TFAP2A: variants seen among roughly 807,000 people sequenced by gnomAD.
The protein encoded by TFAP2A is transcription factor AP-2 alpha.
A neutral mutation model predicts 41.5 loss-of-function variants in TFAP2A; 7 were observed. The observed-to-expected ratio is 0.17, with a 90% CI of 0.10 to 0.32. The LOEUF is 0.32. TFAP2A is among the 10% of genes least tolerant of loss of function. The pLI, the probability that TFAP2A is intolerant of heterozygous loss-of-function variation, is 1.00. For missense variants in TFAP2A, 416 were observed against 563.3 expected (o/e 0.74, Z 2.65); for synonymous variants, 247 against 242.8 (o/e 1.02, Z -0.16).
chr6:10,398,148 C>T lies in TFAP2A; in HGVS notation c.*269G>A, dbSNP rs1330081738. On this transcript the variant is annotated 3_prime_UTR_variant, in exon 7 of 7. Transcript: ENST00000379613. The surrounding 1 kb of genome is among the most constrained non-coding windows in gnomAD (Gnocchi z 5.3). ...TGCTGGCTTCACGGCCTGTTCTGTT[C>T]TCTTAGGCTCCACATGAGGGCACAG... The T allele has an allele frequency of 7.1e-7, 1 of 1,406,060 alleles. No individual in the cohort carries two copies. 87.1% of individuals were successfully genotyped at this position (1,406,060 alleles called of 1,614,324 possible). A position where few individuals can be genotyped will look rare whatever the true frequency, so the allele number is the denominator to read the frequency against.
At chr6:10,409,746 A>C (rs1229424229) in intron 2 of TFAP2A, 155 bp downstream of exon 2, 3 of 934,828 alleles carry the variant, frequency 3.2e-6, no homozygotes, top group African/African-American at 3.3e-5. Context: ...GTGGTTCCTC[A>C]AAACGTCCCT....
At position 10,404,473 on chromosome 6, in the gene TFAP2A, CGGGGCGGGGCGGGCG is replaced by C; in HGVS notation, c.770+20_770+34del. ...GCAAGCGCAGTGGTTCCCCCGGCCGCGGGGCGGGGCGGGCGGGGCCGTGCCGGGCCTCACCTCCGG... is the reference window on the plus strand; with the variant it reads ...GCAAGCGCAGTGGTTCCCCCGGCCGCGGGCCGTGCCGGGCCTCACCTCCGG... On this transcript the variant is annotated intron_variant, in intron 4 of 6. Transcript: ENST00000379613. 6.9e-7 allele frequency: 1 copy of C among 1,440,898 alleles called. No individual in the cohort carries two copies. The highest frequency in any genetic ancestry group is 9.2e-7 in the Non-Finnish European group (1 of 1,087,394). The allele number at this position is 1,440,898 out of a possible 1,614,324, so 89.3% of individuals were successfully genotyped here. A position where few individuals can be genotyped will look rare whatever the true frequency, so the allele number is the denominator to read the frequency against.
chr6:10,397,555 A>C lies in TFAP2A; in HGVS notation c.*862T>G, dbSNP rs1273247813. The C allele has an allele frequency of 6.6e-6, 1 of 152,414 alleles. No homozygotes were observed. Among genetic ancestry groups the C allele is most frequent in the African/African-American group, 2.4e-5 (1 of 41,450 alleles). The allele number at this position is 152,414 out of a possible 1,614,324, so 9.4% of individuals were successfully genotyped here. Reference sequence around the variant, plus strand: ...TAAATTCATGAATCCCAGAGAAAAAAATCCCCCAAACACTGGATTTCTAAA... The same window carrying C: ...TAAATTCATGAATCCCAGAGAAAAACATCCCCCAAACACTGGATTTCTAAA... On this transcript the variant is annotated 3_prime_UTR_variant, in exon 7 of 7. Transcript: ENST00000379613.
At chr6:10,418,687 A>G (rs189992488), upstream of TFAP2A, 1 of 152,490 alleles carries the variant, frequency 6.6e-6, no homozygotes, top group Non-Finnish European at 1.5e-5. Flanking sequence ...TCCGCGGCCT[A>G]GCAGGGCCAA....
Position 10,398,855 on chromosome 6 carries a change from GC to G in TFAP2A, c.1032-151del. The G allele has an allele frequency of 1.1e-6, 1 of 876,714 alleles. No individual in the cohort carries two copies. Among genetic ancestry groups the G allele is most frequent in the Non-Finnish European group, 1.7e-6 (1 of 582,294 alleles). 54.3% of individuals were successfully genotyped at this position (876,714 alleles called of 1,614,324 possible). On this transcript the variant is annotated intron_variant, in intron 6 of 6. Transcript: ENST00000379613. This position sits in a 1 kb window ranked among gnomAD's most constrained non-coding sequence, Gnocchi z 5.3. ...CAAGACCCCAGAGACAGACAGTGTG[GC>G]CACATGTTGGGAGATCCAGCCACCT...
chr6:10,414,958 T>C lies in TFAP2A; in HGVS notation c.34A>G (p.Lys12Glu). 6.2e-7 allele frequency: 1 copy of C among 1,613,894 alleles called. No homozygotes were observed. Among genetic ancestry groups the C allele is most frequent in the Non-Finnish European group, 8.5e-7 (1 of 1,179,982 alleles). The change falls in exon 1 of 7, where the codon AAG (lysine) becomes GAG (glutamate). Residue 12 changes from lysine to glutamate, a missense_variant. Lys to Glu is a moderately conservative substitution (Grantham distance 56). Around this residue, in one of 3 missense-constraint regions of TFAP2A, gnomAD observed 241 missense variants for 274.1 expected, o/e 0.88. Coordinates refer to ENST00000379613, the MANE Select transcript of TFAP2A (RefSeq NM_001372066.1). ...KMLWKLTDNI[K>E]YEDCEDRHDG... Reference sequence around the variant, plus strand: ...GCGCTTACCTCGCAGTCCTCGTACTTGATATTATCCGTCAATTTCCAAAGC... The same window carrying C: ...GCGCTTACCTCGCAGTCCTCGTACTCGATATTATCCGTCAATTTCCAAAGC...
chr6:10,402,385 G>T, intron 5 of TFAP2A, 107 bp downstream of exon 5: 1 of 879,890 alleles, frequency 1.1e-6, no homozygotes, highest in Non-Finnish European at 2.0e-6. Context: ...TCTCTGCAAA[G>T]ATGAAACTGC....
chr6:10,409,787 T>C (rs759081469), intron 2 of TFAP2A, 114 bp downstream of exon 2: 1 of 1,298,230 alleles, frequency 7.7e-7, no homozygotes, highest in South Asian at 1.3e-5. Flanking sequence ...AATGTTTTTA[T>C]AAGGAAATAC....
intron 1 of TFAP2A, among the ~76,000 whole-genome samples, chr6:10,414,075 A>G (rs35387529): frequency 0.022 from 3,425 of 152,330 alleles, 81 homozygotes; most frequent in Non-Finnish European, 0.037. Flanking sequence ...GCGTTTTAAA[A>G]TGGGTTCCAA....
intron 6 of TFAP2A, among the ~76,000 whole-genome samples, chr6:10,399,684 G>T (rs1433006465): frequency 1.3e-5 from 2 of 152,224 alleles, no homozygotes; most frequent in African/African-American, 2.4e-5. Flanking sequence ...TCTGCCCTCT[G>T]CTTCCATGCC....
chr6:10,411,965 G>A lies in TFAP2A; in HGVS notation c.52-1630C>T, dbSNP rs1212564413. ...CCGTGTCTCCCCCTCTTTTCTTAGC[G>A]GCGGCTTCGCTTGAGCTTCTAATAA... On this transcript the variant is annotated intron_variant, in intron 1 of 6. Coordinates refer to ENST00000379613, the MANE Select transcript of TFAP2A (RefSeq NM_001372066.1). 6.4e-6 allele frequency: 7 copies of A among 1,094,870 alleles called. No individual in the cohort carries two copies. The East Asian group carries it at 4.1e-4, about 65-fold the overall frequency. 67.8% of individuals were successfully genotyped at this position (1,094,870 alleles called of 1,614,324 possible). A position where few individuals can be genotyped will look rare whatever the true frequency, so the allele number is the denominator to read the frequency against.
chr6:10,409,837 T>G lies in TFAP2A; in HGVS notation c.486+64A>C, dbSNP rs1051310277. 1.6e-5 allele frequency: 25 copies of G among 1,525,540 alleles called. No individual in the cohort carries two copies. In the East Asian group the frequency reaches 5.9e-4, roughly 36 times the overall value. 94.5% of individuals were successfully genotyped at this position (1,525,540 alleles called of 1,614,324 possible). The stretch of plus-strand genomic sequence containing the variant: ...GCCCACCGACTGTATGTTCCAGGTA[T>G]CCTTTCTGGGGTAGGTAAGTAGGGG... On this transcript the variant is annotated intron_variant, in intron 2 of 6. Coordinates refer to ENST00000379613, the MANE Select transcript of TFAP2A (RefSeq NM_001372066.1).
Position 10,398,837 on chromosome 6 carries a change from CCA to C in TFAP2A, c.1032-134_1032-133del. 9.6e-7 allele frequency: 1 copy of C among 1,043,754 alleles called. No homozygotes were observed. Among genetic ancestry groups the C allele is most frequent in the African/African-American group, 1.6e-5 (1 of 62,402 alleles). 64.7% of individuals were successfully genotyped at this position (1,043,754 alleles called of 1,614,324 possible). On this transcript the variant is annotated intron_variant, in intron 6 of 6. Transcript: ENST00000379613. The surrounding 1 kb of genome is among the most constrained non-coding windows in gnomAD (Gnocchi z 5.3). ...CCGGTACCTGACATGACCCAAGACC[CCA>C]GAGACAGACAGTGTGGCCACATGTT...
At chr6:10,412,228 C>CG (rs1758005402) in intron 1 of TFAP2A, 7 of 986,362 alleles carry the variant, frequency 7.1e-6, no homozygotes, top group East Asian at 1.1e-4. Flanking sequence ...GGCGAGCGCG[C>CG]GGGGGGCCGC....
At chr6:10,409,046 T>C (rs1242732645) in intron 2 of TFAP2A, 1 of 152,252 alleles carries the variant, frequency 6.6e-6, no homozygotes, top group East Asian at 1.9e-4. Context: ...GAGGAAACCA[T>C]AAATATATAG....
intron 2 of TFAP2A, among the ~76,000 whole-genome samples, chr6:10,408,303 T>C (rs184597316): frequency 6.6e-6 from 1 of 152,334 alleles, no homozygotes; most frequent in East Asian, 1.9e-4. Context: ...CTTGTTTTTG[T>C]TTAATCTTTT....
chr6:10,419,151 C>T (rs1758343975), upstream of TFAP2A, among the ~76,000 whole-genome samples: 1 of 152,188 alleles, frequency 6.6e-6, no homozygotes, highest in African/African-American at 2.4e-5. Flanking sequence ...AGTGACCCAC[C>T]AGGCCACCTG....
At chr6:10,412,735 G>T in intron 1 of TFAP2A, 1 of 289,350 alleles carries the variant, frequency 3.5e-6, no homozygotes, top group Non-Finnish European at 7.0e-6. Flanking sequence ...TCGCAGCCGA[G>T]TCTGGGACTC....
At chr6:10,400,912 C>T (rs1761982970) in intron 5 of TFAP2A, 2 of 501,498 alleles carry the variant, frequency 4.0e-6, no homozygotes, top group Admixed American at 5.1e-5. Flanking sequence ...TCCAACTTCA[C>T]ACCTATCAAC....
Sources: allele counts gnomAD v4.1 joint callset (sites outside exome capture counted in the v4.1 genomes callset), GRCh38; gene constraint gnomAD v4.1.1; regional missense constraint gnomAD v4.1.1; non-coding constraint Gnocchi (gnomAD v3.1); transcripts MANE v1.5; gene names NCBI Gene and HGNC (gene_info 2026-07-23, HGNC 2026-07-21).